The following ARHGAP15 variants were observed in gnomAD, a reference collection of about 807,000 sequenced individuals.
ARHGAP15 encodes Rho GTPase activating protein 15, also known as rho GTPase-activating protein 15.
A neutral mutation model predicts 63.7 loss-of-function variants in ARHGAP15; 51 were observed. The ratio of observed to expected loss-of-function variants is 0.80; its 90% CI spans 0.64 to 1.01. The LOEUF (loss-of-function observed/expected upper bound fraction) is 1.01. Among genes scored for constraint, ARHGAP15 ranks in the 50% least tolerant of loss-of-function variants. ARHGAP15 has a pLI of 0.00. For synonymous variants in ARHGAP15, 191 were observed against 193.8 expected, an observed-to-expected ratio of 0.99 and a Z score of 0.12; for missense variants, 560 against 564.6, an observed-to-expected ratio of 0.99 and a Z score of 0.08.
At chr2:143,341,190 T>G (rs1165138325) in intron 6 of ARHGAP15, among the ~76,000 whole-genome samples, 1 of 152,050 alleles carries the variant, frequency 6.6e-6, no homozygotes, top group Non-Finnish European at 1.5e-5. Flanking sequence ...CATCCCTTCT[T>G]TTGGAATTTC....
At chr2:143,280,369 T>A (rs540767340) in intron 6 of ARHGAP15, among the ~76,000 whole-genome samples, 109 of 152,186 alleles carry the variant, frequency 7.2e-4, no homozygotes, top group African/African-American at 2.5e-3. Flanking sequence ...TGCCGGAGGA[T>A]AGAGTGAAGA....
chr2:143,298,098 G>A (rs924168908), intron 6 of ARHGAP15, among the ~76,000 whole-genome samples: 1 of 151,740 alleles, frequency 6.6e-6, no homozygotes, highest in African/African-American at 2.4e-5. Flanking sequence ...TTATTCCCTG[G>A]CATCTATTTA....
chr2:143,221,812 A>G (rs1168501928), intron 4 of ARHGAP15, among the ~76,000 whole-genome samples: 2 of 152,314 alleles, frequency 1.3e-5, no homozygotes, highest in East Asian at 3.9e-4. Flanking sequence ...ATATGGCCAG[A>G]AGATGGCTAC....
chr2:143,569,145 T>A (rs1696353568), intron 11 of ARHGAP15, among the ~76,000 whole-genome samples: 1 of 151,414 alleles, frequency 6.6e-6, no homozygotes, highest in Non-Finnish European at 1.5e-5. Context: ...ACATGTACCC[T>A]AGAACTTAAA....
intron 10 of ARHGAP15, among the ~76,000 whole-genome samples, chr2:143,523,304 A>G (rs903113787): frequency 1.3e-5 from 2 of 152,140 alleles, no homozygotes; most frequent in African/African-American, 2.4e-5. Flanking sequence ...ACCCTACAAG[A>G]CAGAAGAACC....
At chr2:143,353,969 A>G (rs1297457086) in intron 6 of ARHGAP15, among the ~76,000 whole-genome samples, 1 of 152,124 alleles carries the variant, frequency 6.6e-6, no homozygotes, top group African/African-American at 2.4e-5. Context: ...TGTTGTCTAC[A>G]GAGCAATTTT....
chr2:143,290,571 C>A (rs957812872), intron 6 of ARHGAP15, among the ~76,000 whole-genome samples: 8 of 151,830 alleles, frequency 5.3e-5, no homozygotes, highest in African/African-American at 1.9e-4. Context: ...ATTTAGAAAA[C>A]TTTTTTTTAA....
chr2:143,390,715 C>T (rs1574379364), intron 6 of ARHGAP15, among the ~76,000 whole-genome samples: 1 of 138,066 alleles, frequency 7.2e-6, no homozygotes, highest in South Asian at 2.5e-4. Context: ...TCCAAGTACA[C>T]CCTTGGAAAA....
intron 5 of ARHGAP15, among the ~76,000 whole-genome samples, chr2:143,248,172 G>A (rs1243340018): frequency 6.6e-6 from 1 of 152,152 alleles, no homozygotes. Context: ...GGGATGGAGA[G>A]TAACCAGGAG....
chr2:143,330,644 A>G (rs1684508929), intron 6 of ARHGAP15, among the ~76,000 whole-genome samples: 1 of 152,202 alleles, frequency 6.6e-6, no homozygotes, highest in Non-Finnish European at 1.5e-5. Context: ...CAATTTCAAC[A>G]TATTACCCAA....
intron 6 of ARHGAP15, among the ~76,000 whole-genome samples, chr2:143,434,088 TAGG>T (rs981981861): frequency 6.6e-6 from 1 of 152,106 alleles, no homozygotes; most frequent in South Asian, 2.1e-4. Flanking sequence ...ATACATAAAA[TAGG>T]AGGCTGTTTT....
chr2:143,550,681 G>T (rs1183292505), intron 10 of ARHGAP15, among the ~76,000 whole-genome samples: 1 of 152,150 alleles, frequency 6.6e-6, no homozygotes, highest in Non-Finnish European at 1.5e-5. Flanking sequence ...TTAATCTGAG[G>T]AAATGAAGAA....
At chr2:143,186,204 TTTTC>T (rs1311296147) in intron 2 of ARHGAP15, among the ~76,000 whole-genome samples, 1 of 152,166 alleles carries the variant, frequency 6.6e-6, no homozygotes, top group Non-Finnish European at 1.5e-5. Context: ...TACAATCATA[TTTTC>T]TTTGTTTATG....
At chr2:143,632,187 C>G (rs963315715) in intron 12 of ARHGAP15, among the ~76,000 whole-genome samples, 1 of 152,042 alleles carries the variant, frequency 6.6e-6, no homozygotes, top group African/African-American at 2.4e-5. Context: ...TCCTCCCACT[C>G]CTGGGCAATG....
At chr2:143,155,767 A>G in intron 2 of ARHGAP15, 112 bp downstream of exon 2, 5 of 1,155,848 alleles carry the variant, frequency 4.3e-6, no homozygotes, top group Admixed American at 2.8e-5. Flanking sequence ...TGCATGAGAA[A>G]ACTGTTTTTG....
intron 9 of ARHGAP15, among the ~76,000 whole-genome samples, chr2:143,491,179 C>T (rs1427541348): frequency 6.6e-6 from 1 of 152,146 alleles, no homozygotes; most frequent in Non-Finnish European, 1.5e-5. Flanking sequence ...TCATTGGGAA[C>T]AAAACTTGAA....
chr2:143,438,875 G>T (rs940216256), intron 8 of ARHGAP15, among the ~76,000 whole-genome samples: 1 of 152,104 alleles, frequency 6.6e-6, no homozygotes, highest in African/African-American at 2.4e-5. Context: ...TGGAATCTTA[G>T]ATATAATTGC....
chr2:143,496,803 A>G (rs1692836540), intron 9 of ARHGAP15, among the ~76,000 whole-genome samples: 1 of 152,202 alleles, frequency 6.6e-6, no homozygotes, highest in African/African-American at 2.4e-5. Context: ...CTGGGAATGT[A>G]AAATGAATAA....
intron 11 of ARHGAP15, among the ~76,000 whole-genome samples, chr2:143,610,840 T>C (rs770227750): frequency 7.9e-5 from 12 of 152,036 alleles, no homozygotes; most frequent in Non-Finnish European, 1.2e-4. Flanking sequence ...GCAATTCTCC[T>C]GTTTCAGCCT....
Sources: allele counts gnomAD v4.1 joint callset (sites outside exome capture counted in the v4.1 genomes callset), GRCh38; gene constraint gnomAD v4.1.1; transcripts MANE v1.5; gene names NCBI Gene and HGNC (gene_info 2026-07-23, HGNC 2026-07-21).